CLASP1: variants seen among roughly 807,000 people sequenced by gnomAD.
CLASP1 encodes the protein cytoplasmic linker associated protein 1.
In CLASP1, 38 loss-of-function variants were observed where a neutral mutation model predicts 192.3. The ratio of observed to expected loss-of-function variants is 0.20; its 90% confidence interval spans 0.15 to 0.26. The LOEUF (loss-of-function observed/expected upper bound fraction) is 0.26, where lower values mean the gene tolerates loss of function less well. Ranked by LOEUF, CLASP1 falls within the 10% of genes least tolerant of loss-of-function variation. CLASP1 has a pLI of 1.00. For synonymous variants in CLASP1, 691 were observed against 712.8 expected (o/e 0.97, Z 0.49); for missense variants, 1,433 against 1,932.5 (o/e 0.74, Z 4.85).
intron 23 of CLASP1, among the ~76,000 whole-genome samples, chr2:121,412,583 C>T (rs770290518): frequency 3.0e-4 from 45 of 149,836 alleles, no homozygotes; most frequent in Middle Eastern, 6.8e-3. Context: ...TTAAATAAAA[C>T]GAAGTCTAAT....
intron 8 of CLASP1, among the ~76,000 whole-genome samples, chr2:121,492,437 G>GA (rs934400890): frequency 2.3e-5 from 3 of 129,696 alleles, no homozygotes; most frequent in Non-Finnish European, 5.1e-5. Context: ...GCCACAGAAT[G>GA]AAAAAAAAAT....
chr2:121,549,342 G>A (rs2057782901), intron 2 of CLASP1, among the ~76,000 whole-genome samples: 1 of 152,056 alleles, frequency 6.6e-6, no homozygotes, highest in Non-Finnish European at 1.5e-5. Flanking sequence ...AGACAAAGAT[G>A]GGCATTACAT....
chr2:121,387,998 A>G (rs930496494), intron 30 of CLASP1, 92 bp from the exon 32 acceptor site: 2 of 1,003,256 alleles, frequency 2.0e-6, no homozygotes, highest in South Asian at 1.8e-5. Flanking sequence ...TTATAAGTAA[A>G]ATCACTAATA....
At chr2:121,378,637 G>A (rs2070847286) in intron 33 of CLASP1, among the ~76,000 whole-genome samples, 1 of 151,884 alleles carries the variant, frequency 6.6e-6, no homozygotes, top group Non-Finnish European at 1.5e-5. Context: ...CCAAGGGCAA[G>A]TTAAAAAAAA....
rs991389918 is a variant in CLASP1, at chr2:121,345,073, A to G, written c.4530+1965T>C. Among the ~76,000 whole-genome samples the G allele has an allele frequency of 8.5e-5, 13 of 152,196 alleles. 1 individual carries two copies. Among genetic ancestry groups the G allele is most frequent in the African/African-American group, 2.9e-4 (12 of 41,450 alleles). ...ACTCGGGAGGCTGAGGCAGGAGAAT[A>G]GCTTGAACCTGGGAGACAGAGGTTG... On this transcript the variant is annotated intron_variant, in intron 39 of 39. Coordinates refer to ENST00000263710, the Ensembl canonical transcript of CLASP1.
At chr2:121,382,187 G>A in intron 33 of CLASP1, 21 bp downstream of exon 34, 1 of 1,567,124 alleles carries the variant, frequency 6.4e-7, no homozygotes, top group South Asian at 1.2e-5. Flanking sequence ...CCTCAGACAA[G>A]TTTGACAGGT....
chr2:121,445,298 C>G, intron 19 of CLASP1: 1 of 379,402 alleles, frequency 2.6e-6, no homozygotes, highest in East Asian at 7.3e-5. Context: ...GAAGAAAGTA[C>G]CAGCAGAACA....
exon 38 of CLASP1, chr2:121,348,667 G>A: frequency 3.7e-6 from 6 of 1,613,854 alleles, no homozygotes; most frequent in Non-Finnish European, 5.1e-6. Flanking sequence ...CACTGCTCCG[G>A]GTGGATGGAA....
chr2:121,568,991 G>C (rs1321641020), intron 2 of CLASP1, among the ~76,000 whole-genome samples: 2 of 152,262 alleles, frequency 1.3e-5, no homozygotes, highest in East Asian at 3.9e-4. Context: ...GTTGCTCTCA[G>C]GAAAGCCATG....
chr2:121,640,057 C>A (rs1312817977), intron 1 of CLASP1, among the ~76,000 whole-genome samples: 2 of 152,102 alleles, frequency 1.3e-5, no homozygotes, highest in East Asian at 1.9e-4. Flanking sequence ...AGGATGAGTT[C>A]ATGTCCTTTG....
chr2:121,465,592 T>C (rs1302555751), intron 9 of CLASP1, among the ~76,000 whole-genome samples: 4 of 152,166 alleles, frequency 2.6e-5, no homozygotes, highest in African/African-American at 4.8e-5. Context: ...ATGGCCATAC[T>C]GCCCAAGGTA....
intron 34 of CLASP1, among the ~76,000 whole-genome samples, chr2:121,374,876 C>T (rs892812859): frequency 7.2e-5 from 11 of 152,162 alleles, no homozygotes; most frequent in Middle Eastern, 3.4e-3. Flanking sequence ...GGCTCATAGG[C>T]GGAAGGGACT....
intron 34 of CLASP1, among the ~76,000 whole-genome samples, chr2:121,371,992 G>A (rs1253902837): frequency 1.3e-5 from 2 of 152,200 alleles, no homozygotes; most frequent in Non-Finnish European, 2.9e-5. Context: ...ACTCCTGGAA[G>A]TAACTAACTT....
chr2:121,484,391 G>A (rs146706051), intron 8 of CLASP1, among the ~76,000 whole-genome samples: 1 of 152,130 alleles, frequency 6.6e-6, no homozygotes, highest in South Asian at 2.1e-4. Context: ...TTATGCCAAA[G>A]ACAACCATTG....
chr2:121,350,585 C>G (rs1329651646), intron 37 of CLASP1, among the ~76,000 whole-genome samples: 1 of 152,160 alleles, frequency 6.6e-6, no homozygotes, highest in Non-Finnish European at 1.5e-5. Context: ...ACAGGGCTCA[C>G]TTCAGGGAGT....
chr2:121,458,706 A>G, intron 13 of CLASP1, 134 bp downstream of exon 13: 1 of 639,358 alleles, frequency 1.6e-6, no homozygotes. Context: ...TGATATATAT[A>G]CAAAATTCCA....
intron 1 of CLASP1, among the ~76,000 whole-genome samples, chr2:121,635,215 A>C (rs988608701): frequency 1.4e-5 from 2 of 144,152 alleles, no homozygotes; most frequent in African/African-American, 2.9e-5. Flanking sequence ...TCTGTAAAAA[A>C]AAAAAAGAAA....
At chr2:121,565,218 G>A (rs148775346) in intron 2 of CLASP1, among the ~76,000 whole-genome samples, 8 of 152,306 alleles carry the variant, frequency 5.3e-5, no homozygotes, top group Admixed American at 3.3e-4. Context: ...CCCAGGCTAC[G>A]TGGATATAGG....
At chr2:121,575,402 C>T (rs1307019530) in intron 2 of CLASP1, among the ~76,000 whole-genome samples, 1 of 152,160 alleles carries the variant, frequency 6.6e-6, no homozygotes, top group African/African-American at 2.4e-5. Context: ...CCACCATACC[C>T]AGCTACATTA....
Sources: allele counts gnomAD v4.1 joint callset (sites outside exome capture counted in the v4.1 genomes callset), GRCh38; gene constraint gnomAD v4.1.1; transcripts MANE v1.5; gene names NCBI Gene and HGNC (gene_info 2026-07-23, HGNC 2026-07-21).